CHEK1: variants seen among roughly 807,000 people sequenced by gnomAD.
CHEK1 encodes the protein checkpoint kinase 1.
Under a neutral mutation model 60.2 loss-of-function variants are expected in CHEK1, and 32 were observed. The ratio of observed to expected loss-of-function variants is 0.53; its 90% CI spans 0.40 to 0.71. The LOEUF (loss-of-function observed/expected upper bound fraction) is 0.71, where lower values mean the gene tolerates loss of function less well. Ranked by LOEUF, CHEK1 falls within the 30% of genes least tolerant of loss-of-function variation. The pLI, the probability that CHEK1 is intolerant of heterozygous loss-of-function variation, is 0.00. For missense variants in CHEK1, 399 were observed against 564.6 expected, an observed-to-expected ratio of 0.71 and a Z score of 2.97; for synonymous variants, 179 against 187.2, an observed-to-expected ratio of 0.96 and a Z score of 0.36.
downstream of CHEK1, chr11:125,676,304 A>C: frequency 6.2e-7 from 1 of 1,600,570 alleles, no homozygotes; most frequent in Non-Finnish European, 8.5e-7. Flanking sequence ...GCCCCCTACC[A>C]GAAGTAAGTT....
intron 11 of CHEK1, among the ~76,000 whole-genome samples, chr11:125,645,457 T>A (rs3731453): frequency 0.079 from 12,021 of 152,244 alleles, 566 homozygotes; most frequent in African/African-American, 0.13. Flanking sequence ...TAGCTGTTTT[T>A]TACTCAAGGA....
In CHEK1 at chr11:125,652,361, T is replaced by C. The variant is rs3731472; in HGVS notation, c.1234-1385T>C. 9.9e-3 allele frequency among the ~76,000 whole-genome samples: 1,515 copies of C among 152,328 alleles called. 27 individuals carry two copies. Among genetic ancestry groups the C allele is most frequent in the African/African-American group, 0.034 (1,405 of 41,568 alleles). ...CGTTCTAAAAGACTGAAAGTGGAAG[T>C]TGAAGGCCTCTCAAGACCTTTGCCA... On this transcript the variant is annotated intron_variant, in intron 11 of 12. Coordinates refer to ENST00000438015, the MANE Select transcript of CHEK1 (RefSeq NM_001114122.3).
chr11:125,635,567 T>C (rs1348441105), intron 7 of CHEK1, 34 bp downstream of exon 7: 1 of 1,376,152 alleles, frequency 7.3e-7, no homozygotes, highest in Admixed American at 2.2e-5. Context: ...AGAGTACCGA[T>C]TTCTTGGATA....
In CHEK1 at chr11:125,627,592, T is replaced by C. The variant is rs992019097; in HGVS notation, c.66-15T>C. On this transcript the variant is annotated splice_polypyrimidine_tract_variant and intron_variant, in intron 2 of 12. Transcript: ENST00000438015. ...AAATGGAATTCTGTAATGTTAAAACTCTTTTCCTTTTTAGAGTTCAACTTG... is the reference window on the plus strand; with the variant it reads ...AAATGGAATTCTGTAATGTTAAAACCCTTTTCCTTTTTAGAGTTCAACTTG... The C allele has an allele frequency of 6.3e-7, 1 of 1,593,718 alleles. No individual in the cohort carries two copies. Among genetic ancestry groups the C allele is most frequent in the Non-Finnish European group, 8.5e-7 (1 of 1,170,602 alleles).
At chr11:125,641,905 C>T (rs971601660) in intron 8 of CHEK1, among the ~76,000 whole-genome samples, 4 of 152,016 alleles carry the variant, frequency 2.6e-5, no homozygotes, top group African/African-American at 9.7e-5. Context: ...CCAAATCCTC[C>T]AATGCTTTAG....
chr11:125,671,910 A>G (rs1942212815), intron 13 of CHEK1: 1 of 152,242 alleles, frequency 6.6e-6, no homozygotes, highest in Non-Finnish European at 1.5e-5. Context: ...TTGCCCTCCT[A>G]TCCTGTATAG....
Position 125,665,225 on chromosome 11 carries a change from G to GTT in CHEK1, c.*27+9893_*27+9894dup, listed in dbSNP as rs71279470. ...CAGGTGGTATGATGTCTCCAGCTTTGTTTTTTTTTTTTTTTTGGTTTCTGT... is the reference window on the plus strand; with the variant it reads ...CAGGTGGTATGATGTCTCCAGCTTTGTTTTTTTTTTTTTTTTTTGGTTTCTGT... On this transcript the variant is annotated intron_variant, in intron 13 of 13. Coordinates refer to the CHEK1 transcript ENST00000428830. Among the ~76,000 whole-genome samples the GTT allele has an allele frequency of 4.0e-3, 477 of 120,502 alleles. 3 individuals are homozygous for GTT. The highest frequency in any genetic ancestry group is 6.6e-3 in the Admixed American group (81 of 12,192). 79.1% of individuals were successfully genotyped at this position (120,502 alleles called of 152,430 possible).
intron 3 of CHEK1, among the ~76,000 whole-genome samples, chr11:125,628,084 G>C (rs577091823): frequency 2.0e-5 from 3 of 152,308 alleles, no homozygotes; most frequent in African/African-American, 7.2e-5. Flanking sequence ...GAATTTAAGA[G>C]TGACAAACAA....
downstream of CHEK1, among the ~76,000 whole-genome samples, chr11:125,659,517 C>T (rs562329256): frequency 6.6e-6 from 1 of 152,040 alleles, no homozygotes; most frequent in East Asian, 1.9e-4. Context: ...TTTATGTGTA[C>T]TATTTTTGTT....
Position 125,626,825 on chromosome 11 carries a change from C to T in CHEK1, c.57C>T (p.Ala19=). 1 of 1,614,034 alleles carries T rather than the reference C, an allele frequency of 6.2e-7. No homozygotes were observed. Among genetic ancestry groups the T allele is most frequent in the South Asian group, 1.1e-5 (1 of 91,074 alleles). The change falls in exon 2 of 13, where the codon GCC becomes GCT. Residue 19 remains alanine, a synonymous_variant. Coordinates refer to ENST00000438015, the MANE Select transcript of CHEK1 (RefSeq NM_001114122.3). The stretch of plus-strand genomic sequence containing the variant: ...TGGTGCAAACCCTGGGAGAAGGTGC[C>T]TATGGAGAGTGAGTTCTTTTAAGCT... ...WDLVQTLGEG[A]YGEVQLAVNR...
chr11:125,636,579 GA>G (rs1022226318), intron 7 of CHEK1, among the ~76,000 whole-genome samples: 1 of 151,764 alleles, frequency 6.6e-6, no homozygotes, highest in Non-Finnish European at 1.5e-5. Flanking sequence ...TTACATTAAG[GA>G]AAAAAACTTT....
downstream of CHEK1, among the ~76,000 whole-genome samples, chr11:125,657,441 C>T (rs1318628990): frequency 1.3e-5 from 2 of 152,126 alleles, no homozygotes; most frequent in African/African-American, 4.8e-5. Flanking sequence ...TTCCTATATG[C>T]AGTCTCCCAA....
chr11:125,658,685 CTTTTTTTTTTTTTT>C (rs67342073), downstream of CHEK1, among the ~76,000 whole-genome samples: 25 of 34,878 alleles, frequency 7.2e-4, no homozygotes, highest in South Asian at 0.034. Flanking sequence ...ATGGCTTTTG[CTTTTTTTTTTTTTT>C]TTTTTTTTTT....
rs113902554 is a variant in CHEK1, at chr11:125,662,449, G to A, written c.*27+7102G>A. Among the ~76,000 whole-genome samples, 22 of 152,238 alleles carry A rather than the reference G, an allele frequency of 1.4e-4. 1 individual carries two copies. The highest frequency in any genetic ancestry group is 5.3e-4 in the African/African-American group (22 of 41,540). On this transcript the variant is annotated intron_variant, in intron 13 of 13. Transcript: ENST00000428830. ...TTCAGTATATTAATTTGTCTGGAGG[G>A]GAATACGAGCATTCAGACTACAGCG...
chr11:125,676,513 TG>T, downstream of CHEK1: 1 of 1,613,288 alleles, frequency 6.2e-7, no homozygotes, highest in Non-Finnish European at 8.5e-7. Flanking sequence ...GACATTTCCT[TG>T]TGGACCAGAT....
downstream of CHEK1, among the ~76,000 whole-genome samples, chr11:125,658,894 G>A (rs917375218): frequency 6.6e-6 from 1 of 151,758 alleles, no homozygotes; most frequent in Non-Finnish European, 1.5e-5. Context: ...CTGTGTTGCC[G>A]AGGCTGGTTT....
At position 125,636,986 on chromosome 11, in the gene CHEK1, C is replaced by T. The variant is rs533716224; in HGVS notation, c.719-463C>T. On this transcript the variant is annotated intron_variant, in intron 7 of 12. Coordinates refer to ENST00000438015, the MANE Select transcript of CHEK1 (RefSeq NM_001114122.3). ...GAAATAATCTTCACATAGGAAGATA[C>T]GTGAATTTTTTCTCAAGAAAATTAA... Among the ~76,000 whole-genome samples, 5 of 152,040 alleles carry T rather than the reference C, an allele frequency of 3.3e-5. No individual in the cohort carries two copies. In the South Asian group the frequency reaches 8.3e-4, roughly 25 times the overall value.
chr11:125,681,063 TAAAAA>T (rs11398416), downstream of CHEK1: 63 of 168,640 alleles, frequency 3.7e-4, no homozygotes, highest in African/African-American at 1.5e-3. This position sits in a 1 kb window ranked among gnomAD's most constrained non-coding sequence, Gnocchi z 4.2. Flanking sequence ...GCCCTATCTT[TAAAAA>T]AAAAAAAAAA....
chr11:125,640,588 G>T (rs1223735359), intron 8 of CHEK1, among the ~76,000 whole-genome samples: 1 of 151,280 alleles, frequency 6.6e-6, no homozygotes, highest in Non-Finnish European at 1.5e-5. Flanking sequence ...TATTTAATTC[G>T]AGACGGGATC....
Sources: allele counts gnomAD v4.1 joint callset (sites outside exome capture counted in the v4.1 genomes callset), GRCh38; gene constraint gnomAD v4.1.1; non-coding constraint Gnocchi (gnomAD v3.1); transcripts MANE v1.5; gene names NCBI Gene and HGNC (gene_info 2026-07-23, HGNC 2026-07-21).